The following ROR1 variants were observed in gnomAD, a reference collection of about 807,000 sequenced individuals.
The protein encoded by ROR1 is ROR family WNT receptor 1.
In ROR1, 19 loss-of-function variants were observed where a neutral mutation model predicts 78.8. The ratio of observed to expected loss-of-function variants is 0.24; its 90% CI spans 0.17 to 0.35. ROR1 has a LOEUF of 0.35. Among genes scored for constraint, ROR1 ranks in the 10% least tolerant of loss-of-function variants. ROR1 has a pLI of 1.00. For missense variants in ROR1, 917 were observed against 1,177.8 expected (o/e 0.78, Z 3.24); for synonymous variants, 386 against 433.6 (o/e 0.89, Z 1.36).
intron 1 of ROR1, among the ~76,000 whole-genome samples, chr1:63,894,098 G>A (rs1030368094): frequency 3.9e-5 from 6 of 152,156 alleles, no homozygotes; most frequent in South Asian, 2.1e-4. Flanking sequence ...ACATAAGTGC[G>A]TGATATTGTG....
intron 1 of ROR1, among the ~76,000 whole-genome samples, chr1:63,775,872 T>C (rs746581914): frequency 1.3e-4 from 20 of 152,226 alleles, no homozygotes; most frequent in Non-Finnish European, 2.6e-4. Flanking sequence ...CTCCTAATTG[T>C]AATTAAGATG....
intron 1 of ROR1, among the ~76,000 whole-genome samples, chr1:63,879,527 C>T (rs1045368864): frequency 6.6e-6 from 1 of 152,066 alleles, no homozygotes; most frequent in African/African-American, 2.4e-5. Context: ...TTCTGGGGGG[C>T]CTTCAAGGTA....
chr1:63,790,735 C>T (rs1184737220), intron 1 of ROR1, among the ~76,000 whole-genome samples: 3 of 152,172 alleles, frequency 2.0e-5, no homozygotes, highest in Non-Finnish European at 4.4e-5. Flanking sequence ...TTTCTCCCTC[C>T]CTGTTGCTCT....
intron 7 of ROR1, among the ~76,000 whole-genome samples, chr1:64,144,074 GA>G (rs1201059955): frequency 2.0e-5 from 3 of 152,206 alleles, no homozygotes; most frequent in Non-Finnish European, 4.4e-5. Flanking sequence ...CACGTGGGCA[GA>G]TTCTGGATAT....
intron 4 of ROR1, among the ~76,000 whole-genome samples, chr1:64,096,307 G>A (rs1647298379): frequency 1.3e-5 from 2 of 151,922 alleles, no homozygotes; most frequent in South Asian, 4.2e-4. Flanking sequence ...TGTGTCATGG[G>A]GTTTGTTGTA....
At chr1:64,037,643 G>A (rs1305783683) in intron 2 of ROR1, among the ~76,000 whole-genome samples, 1 of 152,162 alleles carries the variant, frequency 6.6e-6, no homozygotes, top group Non-Finnish European at 1.5e-5. Flanking sequence ...ACCATGATGA[G>A]GGTGTGCAGT....
chr1:64,141,716 T>C (rs1649321560), intron 6 of ROR1, among the ~76,000 whole-genome samples: 1 of 152,196 alleles, frequency 6.6e-6, no homozygotes, highest in Admixed American at 6.5e-5. Context: ...GTTAATACTA[T>C]TTTGTGAGTT....
At chr1:64,081,073 C>T (rs554092134) in intron 4 of ROR1, among the ~76,000 whole-genome samples, 3 of 152,298 alleles carry the variant, frequency 2.0e-5, no homozygotes, top group African/African-American at 2.4e-5. Flanking sequence ...AGATCCCCTA[C>T]CCCTGAAGAA....
At chr1:63,879,095 A>G (rs1645307247) in intron 1 of ROR1, among the ~76,000 whole-genome samples, 1 of 152,114 alleles carries the variant, frequency 6.6e-6, no homozygotes, top group African/African-American at 2.4e-5. Context: ...GTCAGATCTT[A>G]CAGCTGAGCA....
intron 7 of ROR1, among the ~76,000 whole-genome samples, chr1:64,146,168 A>C (rs113820354): frequency 0.012 from 1,840 of 152,248 alleles, 33 homozygotes; most frequent in African/African-American, 0.043. Flanking sequence ...GCCCAGCTTT[A>C]AATGAATTGT....
chr1:63,915,968 G>C (rs1199271789), intron 1 of ROR1, among the ~76,000 whole-genome samples: 2 of 152,122 alleles, frequency 1.3e-5, no homozygotes, highest in Non-Finnish European at 2.9e-5. Flanking sequence ...CCACTGCAGT[G>C]TCCCTCTGGG....
chr1:63,841,990 C>A (rs954261419), intron 1 of ROR1, among the ~76,000 whole-genome samples: 1 of 152,162 alleles, frequency 6.6e-6, no homozygotes, highest in Non-Finnish European at 1.5e-5. Flanking sequence ...ACCCACTATG[C>A]CTCATTATAT....
chr1:64,119,211 G>A (rs1317638654), intron 4 of ROR1, among the ~76,000 whole-genome samples: 1 of 152,194 alleles, frequency 6.6e-6, no homozygotes, highest in Admixed American at 6.5e-5. Context: ...CTGGGGGAAT[G>A]TGGTCCCCCT....
At chr1:64,124,930 A>G (rs1648660401) in intron 4 of ROR1, among the ~76,000 whole-genome samples, 2 of 152,232 alleles carry the variant, frequency 1.3e-5, no homozygotes. Context: ...TATTTCCAGC[A>G]CTGGTTCATA....
chr1:63,996,190 A>G (rs1328934879), intron 1 of ROR1, among the ~76,000 whole-genome samples: 2 of 152,170 alleles, frequency 1.3e-5, no homozygotes, highest in Non-Finnish European at 2.9e-5. Flanking sequence ...TATTAAAAAG[A>G]TGTACCCCCA....
At chr1:64,076,978 T>C (rs1647055154) in intron 4 of ROR1, among the ~76,000 whole-genome samples, 1 of 152,192 alleles carries the variant, frequency 6.6e-6, no homozygotes, top group Non-Finnish European at 1.5e-5. Context: ...ATTTATAAGA[T>C]GTTTGGTCTA....
At chr1:63,867,329 C>T (rs1039641582) in intron 1 of ROR1, among the ~76,000 whole-genome samples, 6 of 152,176 alleles carry the variant, frequency 3.9e-5, no homozygotes, top group Non-Finnish European at 5.9e-5. Flanking sequence ...TGGCCTTCCT[C>T]CTATGTCTTT....
At chr1:63,938,850 C>G (rs892624090) in intron 1 of ROR1, among the ~76,000 whole-genome samples, 2 of 151,800 alleles carry the variant, frequency 1.3e-5, no homozygotes, top group Non-Finnish European at 2.9e-5. Context: ...CAAAATAAAA[C>G]AAATAGGTGT....
chr1:63,953,258 C>G (rs1645955034), intron 1 of ROR1, among the ~76,000 whole-genome samples: 1 of 152,138 alleles, frequency 6.6e-6, no homozygotes, highest in South Asian at 2.1e-4. Context: ...CTTAGAACCT[C>G]AGTTTCCTTG....
Sources: allele counts gnomAD v4.1 joint callset (sites outside exome capture counted in the v4.1 genomes callset), GRCh38; gene constraint gnomAD v4.1.1; transcripts MANE v1.5; gene names NCBI Gene and HGNC (gene_info 2026-07-23, HGNC 2026-07-21).